Variants in SP140 observed in about 807,000 individuals in gnomAD.
SP140 encodes the protein nuclear body protein SP140.
Under a neutral mutation model 125.0 loss-of-function variants are expected in SP140, and 81 were observed. The ratio of observed to expected loss-of-function variants is 0.65; its 90% CI spans 0.54 to 0.78. SP140 has a LOEUF of 0.78. SP140 is among the 30% of genes least tolerant of loss of function. The pLI, the probability that SP140 is intolerant of heterozygous loss-of-function variation, is 0.00. For missense variants in SP140, 858 were observed against 1,037.0 expected, an observed-to-expected ratio of 0.83 and a Z score of 2.37; for synonymous variants, 312 against 354.0, an observed-to-expected ratio of 0.88 and a Z score of 1.33.
intron 4 of SP140, 31 bp from the exon 5 acceptor site, chr2:230,243,700 G>T: frequency 2.0e-6 from 3 of 1,517,552 alleles, no homozygotes; most frequent in South Asian, 1.1e-5. Context: ...CATAAATCAA[G>T]ACATCTAAGG....
intron 22 of SP140, among the ~76,000 whole-genome samples, chr2:230,302,229 C>CAA (rs745810802): frequency 2.4e-5 from 3 of 127,106 alleles, no homozygotes; most frequent in African/African-American, 8.7e-5. Context: ...ACTAAAAATA[C>CAA]AAAAAAAAAA....
At chr2:230,225,169 CT>C (rs2046176798), upstream of SP140, among the ~76,000 whole-genome samples, 1 of 152,192 alleles carries the variant, frequency 6.6e-6, no homozygotes, top group Non-Finnish European at 1.5e-5. Flanking sequence ...CCAGTCACCC[CT>C]GGCTGCTGTT....
Position 230,255,522 on chromosome 2 carries a change from AC to A in SP140, c.1231del (p.Arg411ValfsTer8). On this transcript the variant is annotated frameshift_variant, in exon 12 of 27. Transcript: ENST00000392045. LOFTEE classifies it high-confidence loss of function. Reference sequence around the variant, plus strand: ...AGGAAGCCTCTAGCTCCCTAGCAAGACGTGGGTCAGGTAAGGACGGGGGGGG... The same window carrying A: ...AGGAAGCCTCTAGCTCCCTAGCAAGAGTGGGTCAGGTAAGGACGGGGGGGG... ...RQEASSSLAR[R>X]GSVSSELENH... 1 of 1,582,070 alleles carries A rather than the reference AC, an allele frequency of 6.3e-7. No individual in the cohort carries two copies. Among genetic ancestry groups the A allele is most frequent in the Non-Finnish European group, 8.6e-7 (1 of 1,167,358 alleles).
intron 15 of SP140, among the ~76,000 whole-genome samples, chr2:230,277,650 G>T (rs1038006571): frequency 6.6e-6 from 1 of 151,894 alleles, no homozygotes; most frequent in African/African-American, 2.4e-5. Flanking sequence ...CAAATATATT[G>T]TCCACCTCAT....
At chr2:230,207,970 C>T (rs1219146371) in intron 1 of SP140, 9 of 1,275,664 alleles carry the variant, frequency 7.1e-6, no homozygotes, top group Non-Finnish European at 9.1e-6. Flanking sequence ...CCTCCAGCTT[C>T]CTCTTGTACT....
At position 230,285,837 on chromosome 2, in the gene SP140, G is replaced by C. The variant is rs772235100; in HGVS notation, c.1645+5G>C. 1 of 1,607,606 alleles carries C rather than the reference G, an allele frequency of 6.2e-7. No individual in the cohort carries two copies. The highest frequency in any genetic ancestry group is 8.5e-7 in the Non-Finnish European group (1 of 1,174,098). ...AAGACCTTTCCAAGATTAGGGGTAA[G>C]ATAAAGTTTGTCCGCTTTCCCTTTG... is the stretch of plus-strand genomic sequence containing the variant. On this transcript the variant is annotated splice_donor_5th_base_variant and intron_variant, in intron 17 of 26. Transcript: ENST00000392045.
At chr2:230,286,239 A>G (rs1363082862) in intron 17 of SP140, among the ~76,000 whole-genome samples, 1 of 152,200 alleles carries the variant, frequency 6.6e-6, no homozygotes, top group African/African-American at 2.4e-5. Flanking sequence ...CCTTTTAAAA[A>G]CAGTAAGAGT....
chr2:230,312,537 A>G, intron 26 of SP140, 49 bp from the exon 27 acceptor site: 1 of 1,269,024 alleles, frequency 7.9e-7, no homozygotes, highest in South Asian at 1.2e-5. Flanking sequence ...AAGGTGTCTC[A>G]TGACGCTAAT....
chr2:230,195,737 A>C, the SP140 span, among the ~76,000 whole-genome samples: 1 of 152,220 alleles, frequency 6.6e-6, no homozygotes, highest in South Asian at 2.1e-4. Context: ...TTACACAGTT[A>C]TGAGATAAAC....
At chr2:230,247,823 C>G (rs1183948408) in intron 7 of SP140, 93 bp from the exon 8 acceptor site, 2 of 1,338,206 alleles carry the variant, frequency 1.5e-6, no homozygotes, top group African/African-American at 1.5e-5. Context: ...AAAAAGTCAC[C>G]TTGTTTCACT....
At chr2:230,254,791 A>T (rs1025998982) in intron 11 of SP140, among the ~76,000 whole-genome samples, 5 of 152,048 alleles carry the variant, frequency 3.3e-5, no homozygotes, top group African/African-American at 1.2e-4. Flanking sequence ...TGTGGCTTCC[A>T]CCCTTCATGG....
intron 21 of SP140, among the ~76,000 whole-genome samples, chr2:230,295,631 T>C (rs1008137600): frequency 1.3e-5 from 2 of 152,140 alleles, no homozygotes; most frequent in African/African-American, 4.8e-5. Flanking sequence ...CATTATGAAC[T>C]CCATGGGTCC....
At chr2:230,209,846 T>A in intron 1 of SP140, 1 of 826,246 alleles carries the variant, frequency 1.2e-6, no homozygotes, top group Non-Finnish European at 2.2e-6. Context: ...CACATAGTGG[T>A]GCTCTTGACA....
At chr2:230,202,484 A>T, upstream of SP140, 2 of 1,188,362 alleles carry the variant, frequency 1.7e-6, no homozygotes, top group Admixed American at 1.9e-5. Context: ...TCCTTTTACT[A>T]TTGACTTTAC....
chr2:230,269,961 T>C lies in SP140; in HGVS notation c.1444+8T>C. 1 of 1,598,782 alleles carries C rather than the reference T, an allele frequency of 6.3e-7. No homozygotes were observed. Among genetic ancestry groups the C allele is most frequent in the East Asian group, 2.2e-5 (1 of 44,784 alleles). On this transcript the variant is annotated splice_region_variant and intron_variant, in intron 14 of 26. Coordinates refer to ENST00000392045, the MANE Select transcript of SP140 (RefSeq NM_007237.5). Reference sequence around the variant, plus strand: ...AAGCGTGTGGCACAATGGGTAAGGCTGTCTGAGGGCCGTGGGATGGGGGTG... The same window carrying C: ...AAGCGTGTGGCACAATGGGTAAGGCCGTCTGAGGGCCGTGGGATGGGGGTG...
chr2:230,289,201 C>T lies in SP140; in HGVS notation c.1720+1235C>T, dbSNP rs549218529. 1.4e-4 allele frequency among the ~76,000 whole-genome samples: 22 copies of T among 152,294 alleles called. No homozygotes were observed. In the South Asian group the frequency reaches 4.6e-3, roughly 32 times the overall value. ...GGTATCTCATTGTGGTTTTGATTTG[C>T]ATTTCTCTAATGACCAGTGATGATG... is the stretch of plus-strand genomic sequence containing the variant. On this transcript the variant is annotated intron_variant, in intron 18 of 26. Transcript: ENST00000392045.
intron 2 of SP140, 33 bp from the exon 3 acceptor site, chr2:230,238,180 T>C (rs753358114): frequency 3.3e-5 from 49 of 1,500,926 alleles, no homozygotes; most frequent in Middle Eastern, 1.7e-4. Flanking sequence ...CATAAATCTC[T>C]AGCTACATAA....
chr2:230,285,892 G>T, intron 17 of SP140, 60 bp downstream of exon 17: 2 of 1,258,670 alleles, frequency 1.6e-6, no homozygotes, highest in East Asian at 2.3e-5. Flanking sequence ...TTTTACTGAG[G>T]TATTGACGAG....
chr2:230,268,524 TAA>T (rs572801711), intron 12 of SP140, among the ~76,000 whole-genome samples: 17 of 118,176 alleles, frequency 1.4e-4, no homozygotes, highest in Non-Finnish European at 1.4e-4. Flanking sequence ...AAACTCTGTC[TAA>T]AAAAAAAAAA....
Sources: gnomAD v4.1 joint callset for allele counts (sites outside exome capture counted in the v4.1 genomes callset) on GRCh38, gnomAD v4.1.1 for gene constraint, MANE v1.5 for transcripts, NCBI Gene and HGNC (gene_info 2026-07-23, HGNC 2026-07-21) for gene names.